Variants in NTM observed in about 807,000 individuals in gnomAD.
NTM encodes neurotrimin, also known as IgLON family member 2.
Under a neutral mutation model 42.1 loss-of-function variants are expected in NTM, and 13 were observed. The ratio of observed to expected loss-of-function variants is 0.31; its 90% confidence interval spans 0.20 to 0.49. The LOEUF is 0.49. Ranked by LOEUF, NTM falls within the 20% of genes least tolerant of loss-of-function variation. NTM has a pLI of 0.99. For missense variants in NTM, 373 were observed against 452.8 expected, an observed-to-expected ratio of 0.82 and a Z score of 1.60; for synonymous variants, 187 against 179.2, an observed-to-expected ratio of 1.04 and a Z score of -0.35.
intron 1 of NTM, among the ~76,000 whole-genome samples, chr11:131,900,683 G>C (rs369425187): frequency 6.6e-6 from 1 of 151,934 alleles, no homozygotes. Context: ...GAGAGAGAGA[G>C]ATTGGGTAAT....
chr11:132,250,515 T>G, intron 4 of NTM, among the ~76,000 whole-genome samples: 1 of 152,096 alleles, frequency 6.6e-6, no homozygotes, highest in Non-Finnish European at 1.5e-5. Flanking sequence ...CCTCACTAAA[T>G]GTAGACAAGA....
chr11:132,303,456 G>T (rs2094941591), intron 4 of NTM, among the ~76,000 whole-genome samples: 1 of 152,152 alleles, frequency 6.6e-6, no homozygotes, highest in South Asian at 2.1e-4. Flanking sequence ...GTGCATGTCT[G>T]CCCGAATCCC....
chr11:131,840,197 G>A (rs756266914), intron 1 of NTM, among the ~76,000 whole-genome samples: 12 of 152,288 alleles, frequency 7.9e-5, no homozygotes, highest in South Asian at 2.1e-4. Flanking sequence ...TTAAAGCCAC[G>A]AGGCCAAATC....
At chr11:131,942,116 C>T (rs2059859221) in intron 2 of NTM, among the ~76,000 whole-genome samples, 1 of 152,072 alleles carries the variant, frequency 6.6e-6, no homozygotes, top group African/African-American at 2.4e-5. Flanking sequence ...GGAAGATGGG[C>T]ATTTAAACAG....
At chr11:132,257,190 A>G (rs961935149) in intron 4 of NTM, among the ~76,000 whole-genome samples, 3 of 152,250 alleles carry the variant, frequency 2.0e-5, no homozygotes, top group African/African-American at 7.2e-5. Flanking sequence ...GCAAGGGGCC[A>G]TGAGAAATGA....
chr11:132,157,156 G>A (rs1035105491), intron 3 of NTM, among the ~76,000 whole-genome samples: 1 of 152,134 alleles, frequency 6.6e-6, no homozygotes, highest in Non-Finnish European at 1.5e-5. Flanking sequence ...TGTTTGTTAA[G>A]CCACTAAATA....
At chr11:131,456,695 A>G (rs778343651) in intron 1 of NTM, among the ~76,000 whole-genome samples, 1 of 152,176 alleles carries the variant, frequency 6.6e-6, no homozygotes, top group Non-Finnish European at 1.5e-5. Context: ...CTCCTTGCCG[A>G]TAGAGAAAAT....
At chr11:132,281,986 T>G (rs1297124151) in intron 4 of NTM, among the ~76,000 whole-genome samples, 1 of 152,254 alleles carries the variant, frequency 6.6e-6, no homozygotes, top group East Asian at 1.9e-4. Flanking sequence ...CATATTGTTA[T>G]GTTTCATTGC....
intron 4 of NTM, among the ~76,000 whole-genome samples, chr11:132,290,593 G>C (rs568077817): frequency 7.2e-5 from 11 of 152,182 alleles, no homozygotes; most frequent in Admixed American, 1.3e-4. Flanking sequence ...CTTTATTTTT[G>C]TGCATTTATT....
At position 132,184,028 on chromosome 11, in the gene NTM, A is replaced by G. The variant is rs116808279; in HGVS notation, c.401-27994A>G. 1.4e-3 allele frequency among the ~76,000 whole-genome samples: 214 copies of G among 152,250 alleles called. 2 individuals carry two copies. The highest frequency in any genetic ancestry group is 5.1e-3 in the African/African-American group (210 of 41,548). On this transcript the variant is annotated intron_variant, in intron 3 of 8. Transcript: ENST00000683400. ...CCCAGTATAGTGTTAAAGCTTCTCTATGGTGCCTGGTGCCAAGCACAAACT... is the reference window on the plus strand; with the variant it reads ...CCCAGTATAGTGTTAAAGCTTCTCTGTGGTGCCTGGTGCCAAGCACAAACT...
intron 4 of NTM, chr11:132,306,511 TGTGTGTGA>T (rs919191358): frequency 6.6e-6 from 1 of 152,106 alleles, no homozygotes; most frequent in African/African-American, 2.4e-5. Flanking sequence ...CGTGCATGTG[TGTGTGTGA>T]GTGTGTACAT....
intron 1 of NTM, among the ~76,000 whole-genome samples, chr11:131,431,736 A>C (rs557965463): frequency 2.0e-4 from 31 of 152,290 alleles, no homozygotes; most frequent in African/African-American, 7.5e-4. Flanking sequence ...TCACAGATGG[A>C]GAGGTGACCC....
intron 2 of NTM, among the ~76,000 whole-genome samples, chr11:131,982,867 T>C (rs1593388489): frequency 6.6e-6 from 1 of 152,280 alleles, no homozygotes; most frequent in East Asian, 1.9e-4. Flanking sequence ...AGAAAGGACC[T>C]GGTCTTGCCT....
chr11:131,796,073 G>A lies in NTM; in HGVS notation c.83-115491G>A, dbSNP rs60393090. On this transcript the variant is annotated intron_variant, in intron 1 of 8. Coordinates refer to ENST00000683400, the MANE Select transcript of NTM (RefSeq NM_001352005.2). ...AATGATCAGTGCCAAACAGGAAAGC[G>A]TAACTCACACTAGTTATTTTCCCGG... The A allele has an allele frequency of 0.02, 19,352 of 985,282 alleles. 2,850 individuals are homozygous for A. In the African/African-American group the frequency reaches 0.31, roughly 16 times the overall value. The allele number at this position is 985,282 out of a possible 1,614,324, so 61.0% of individuals were successfully genotyped here. A position where few individuals can be genotyped will look rare whatever the true frequency, so the allele number is the denominator to read the frequency against.
rs113484496 is a variant in NTM, at chr11:131,914,075, T to C, written c.167+2427T>C. Among the ~76,000 whole-genome samples, 230 of 152,338 alleles carry C rather than the reference T, an allele frequency of 1.5e-3. 1 individual carries two copies. Among genetic ancestry groups the C allele is most frequent in the African/African-American group, 4.9e-3 (205 of 41,576 alleles). ...TGGACTTTGGTGGGGTGGAAGCCCC[T>C]GAACTCTCAAACATAGGTCCTGCAT... On this transcript the variant is annotated intron_variant, in intron 2 of 8. Transcript: ENST00000683400.
chr11:132,307,639 T>A (rs1565439697), intron 4 of NTM, 50 bp from the exon 5 acceptor site: 2 of 1,608,356 alleles, frequency 1.2e-6, no homozygotes, highest in African/African-American at 1.3e-5. Flanking sequence ...TGAACATGTT[T>A]GGTCTTTTTT....
chr11:131,845,479 A>G (rs1162890790), intron 1 of NTM, among the ~76,000 whole-genome samples: 1 of 152,180 alleles, frequency 6.6e-6, no homozygotes, highest in Non-Finnish European at 1.5e-5. Flanking sequence ...CCAGAAATGC[A>G]GAGTCTCAGG....
At chr11:131,737,773 G>GGGGGT (rs2080667158) in intron 1 of NTM, among the ~76,000 whole-genome samples, 2 of 152,216 alleles carry the variant, frequency 1.3e-5, no homozygotes, top group Admixed American at 1.3e-4. Context: ...GAGGCAGGAT[G>GGGGGT]GGGGTGGGTA....
chr11:131,504,611 G>T (rs753120429), intron 1 of NTM, among the ~76,000 whole-genome samples: 6 of 152,146 alleles, frequency 3.9e-5, no homozygotes, highest in Non-Finnish European at 8.8e-5. Context: ...TGTGTGTGCT[G>T]CTGCTCTGTT....
Sources: gnomAD v4.1 joint callset for allele counts (sites outside exome capture counted in the v4.1 genomes callset) on GRCh38, gnomAD v4.1.1 for gene constraint, MANE v1.5 for transcripts, NCBI Gene and HGNC (gene_info 2026-07-23, HGNC 2026-07-21) for gene names.